JCAD: variants seen among roughly 807,000 people sequenced by gnomAD.
The protein encoded by JCAD is junctional cadherin 5 associated.
In JCAD, 40 loss-of-function variants were observed where a neutral mutation model predicts 98.0. The observed-to-expected ratio is 0.41, with a 90% CI of 0.32 to 0.53. The LOEUF (loss-of-function observed/expected upper bound fraction) is 0.53. Ranked by LOEUF, JCAD falls within the 20% of genes least tolerant of loss-of-function variation. JCAD has a pLI of 0.31. For missense variants in JCAD, 1,705 were observed against 1,738.1 expected, an observed-to-expected ratio of 0.98 and a Z score of 0.34; for synonymous variants, 691 against 682.3, an observed-to-expected ratio of 1.01 and a Z score of -0.20.
intron 1 of JCAD, among the ~76,000 whole-genome samples, chr10:30,100,776 C>T (rs1234911910): frequency 6.6e-6 from 1 of 152,064 alleles, no homozygotes; most frequent in Non-Finnish European, 1.5e-5. Context: ...GACCAATGGC[C>T]CCTGACACAG....
chr10:30,033,888 G>A (rs1441057887), intron 2 of JCAD, among the ~76,000 whole-genome samples: 1 of 152,122 alleles, frequency 6.6e-6, no homozygotes, highest in African/African-American at 2.4e-5. Flanking sequence ...TCTTATTTTG[G>A]AATTACCTCT....
chr10:30,029,610 T>C lies in JCAD; in HGVS notation c.538A>G (p.Lys180Glu). 1 of 1,614,266 alleles carries C rather than the reference T, an allele frequency of 6.2e-7. No homozygotes were observed. Among genetic ancestry groups the C allele is most frequent in the Non-Finnish European group, 8.5e-7 (1 of 1,180,052 alleles). The change falls in exon 3 of 4, where the codon AAG (lysine) becomes GAG (glutamate). Residue 180 changes from lysine to glutamate, a missense_variant. This residue lies in a region of JCAD where 275 missense variants were observed against 346.9 expected (regional missense o/e 0.79). Transcript: ENST00000375377. ...CTTTCCAGGCTGACGTTCTGCCACT[T>C]GGCAGGACCTGACATTCGCAATTCT... Reference protein sequence around the residue: ...EEELRMSGPAKWQNVSLESWN... With the variant: ...EEELRMSGPAEWQNVSLESWN...
At chr10:30,064,283 C>T (rs1356288665), upstream of JCAD, among the ~76,000 whole-genome samples, 1 of 151,988 alleles carries the variant, frequency 6.6e-6, no homozygotes, top group Non-Finnish European at 1.5e-5. Flanking sequence ...CATGCTCAGC[C>T]CCTCACCATG....
intron 1 of JCAD, among the ~76,000 whole-genome samples, chr10:30,073,006 C>T (rs543231168): frequency 1.3e-5 from 2 of 152,352 alleles, no homozygotes; most frequent in South Asian, 2.1e-4. Context: ...CTAACATTCA[C>T]TTTACAGGGA....
At chr10:30,022,247 G>GGT (rs1305940066) in intron 3 of JCAD, among the ~76,000 whole-genome samples, 1 of 152,084 alleles carries the variant, frequency 6.6e-6, no homozygotes, top group African/African-American at 2.4e-5. Context: ...ACGGCACAAG[G>GGT]GTGTGTGTGT....
At chr10:30,079,989 A>G (rs1838053714) in intron 1 of JCAD, among the ~76,000 whole-genome samples, 1 of 152,198 alleles carries the variant, frequency 6.6e-6, no homozygotes, top group South Asian at 2.1e-4. Context: ...AAGAATATCT[A>G]TATAAGTCTC....
rs151073280 is a variant in JCAD at position 30,049,787 on chromosome 10, C to T, written c.-59-1916G>A. Among the ~76,000 whole-genome samples, 478 of 152,288 alleles carry T rather than the reference C, an allele frequency of 3.1e-3. 3 individuals are homozygous for T. Among genetic ancestry groups the T allele is most frequent in the African/African-American group, 0.011 (462 of 41,570 alleles). On this transcript the variant is annotated intron_variant, in intron 1 of 3. Coordinates refer to ENST00000375377, the MANE Select transcript of JCAD (RefSeq NM_020848.4). Reference sequence around the variant, plus strand: ...CATCACAAGCAAAGGGCTTTAGGAACACAGAGTCAGGCTTTAGGGCAGGGT... The same window carrying T: ...CATCACAAGCAAAGGGCTTTAGGAATACAGAGTCAGGCTTTAGGGCAGGGT...
At chr10:30,044,674 T>C (rs1291649462) in intron 2 of JCAD, 3 of 212,632 alleles carry the variant, frequency 1.4e-5, no homozygotes, top group African/African-American at 1.1e-4. Context: ...ATAGCAGTAT[T>C]GGCTTTTTTT....
intron 1 of JCAD, among the ~76,000 whole-genome samples, chr10:30,108,996 T>C (rs1838639515): frequency 6.6e-6 from 1 of 152,204 alleles, no homozygotes; most frequent in Non-Finnish European, 1.5e-5. Flanking sequence ...CCCAACTTGC[T>C]GGTTGAAACA....
intron 1 of JCAD, among the ~76,000 whole-genome samples, chr10:30,050,475 C>A (rs566847442): frequency 6.6e-6 from 1 of 152,218 alleles, no homozygotes; most frequent in South Asian, 2.1e-4. Context: ...TCTCACAACA[C>A]TCAGTTTCTC....
intron 3 of JCAD, among the ~76,000 whole-genome samples, chr10:30,024,504 C>T (rs544797312): frequency 6.6e-6 from 1 of 152,038 alleles, no homozygotes; most frequent in South Asian, 2.1e-4. Flanking sequence ...AATGGCAAAG[C>T]CTTCACATTC....
At position 30,047,649 on chromosome 10, in the gene JCAD, G is replaced by A; in HGVS notation, c.164C>T (p.Ala55Val). Reference sequence around the variant, plus strand: ...TTTCCCCGCGGACGTCTTACGATGTGCGAGGGCCGCAGGGCCATCCTCATG... The same window carrying A: ...TTTCCCCGCGGACGTCTTACGATGTACGAGGGCCGCAGGGCCATCCTCATG... ...NGHEDGPAAL[A>V]HRKTSAGKGH... Residue 55 changes from alanine (A) to valine (V), a missense_variant, in exon 2 of 4, where the codon GCA (alanine) becomes GTA (valine). Transcript: ENST00000375377. 3 of 1,614,190 alleles carry A rather than the reference G, an allele frequency of 1.9e-6. No individual in the cohort carries two copies. The Admixed American group carries it at 5.0e-5, about 27-fold the overall frequency.
At position 30,017,793 on chromosome 10, in the gene JCAD, T is replaced by C; in HGVS notation, c.*90A>G. 8.3e-7 allele frequency: 1 copy of C among 1,206,250 alleles called. No homozygotes were observed. The highest frequency in any genetic ancestry group is 1.5e-5 in the African/African-American group (1 of 67,856). The allele number at this position is 1,206,250 out of a possible 1,614,324, so 74.7% of individuals were successfully genotyped here. A position where few individuals can be genotyped will look rare whatever the true frequency, so the allele number is the denominator to read the frequency against. ...TAAAAACTCAGCAGCTTCCAGCTTC[T>C]ACATGGGGAAGTGGGGCTGATAGAC... On this transcript the variant is annotated 3_prime_UTR_variant, in exon 4 of 4. Transcript: ENST00000375377.
chr10:30,023,011 T>C (rs1836699043), intron 3 of JCAD, among the ~76,000 whole-genome samples: 3 of 152,076 alleles, frequency 2.0e-5, no homozygotes, highest in African/African-American at 7.2e-5. Context: ...TTTTTTAATA[T>C]TTTATGCCAT....
chr10:30,103,593 C>T (rs1373908947), intron 1 of JCAD, among the ~76,000 whole-genome samples: 1 of 145,766 alleles, frequency 6.9e-6, no homozygotes, highest in African/African-American at 2.6e-5. Context: ...TGAGGAAATG[C>T]CTGTATATTT....
In JCAD at chr10:30,016,200, C is replaced by T. The variant is rs916714967; in HGVS notation, c.*1683G>A. 1 of 152,140 alleles carries T rather than the reference C, an allele frequency of 6.6e-6. No individual in the cohort carries two copies. Among genetic ancestry groups the T allele is most frequent in the Non-Finnish European group, 1.5e-5 (1 of 68,044 alleles). The allele number at this position is 152,140 out of a possible 1,614,324, so 9.4% of individuals were successfully genotyped here. ...AACAGGCCGGGACAGCCCGGCCAGCCGTTTTAGGGCCAAAGGACAGATCAC... is the reference window on the plus strand; with the variant it reads ...AACAGGCCGGGACAGCCCGGCCAGCTGTTTTAGGGCCAAAGGACAGATCAC... On this transcript the variant is annotated 3_prime_UTR_variant, in exon 4 of 4. Transcript: ENST00000375377.
Position 30,028,376 on chromosome 10 carries a change from G to A in JCAD, c.1772C>T (p.Ser591Leu), listed in dbSNP as rs180691205. The stretch of plus-strand genomic sequence containing the variant: ...GTCCATATCTCTATCTGGCAGATGT[G>A]ATTCTGATTTCACTGGGATAGAAAC... The part of the protein sequence containing the change: ...CLVSIPVKSE[S>L]HLPDRDMDNN... Residue 591 changes from serine to leucine, a missense_variant, in exon 3 of 4, where the codon TCA (serine) becomes TTA (leucine). Ser to Leu is a moderately radical substitution (Grantham distance 145, BLOSUM62 -2). Coordinates refer to ENST00000375377, the MANE Select transcript of JCAD (RefSeq NM_020848.4). 2 of 1,614,204 alleles carry A rather than the reference G, an allele frequency of 1.2e-6. No individual in the cohort carries two copies. The highest frequency in any genetic ancestry group is 2.2e-5 in the East Asian group (1 of 44,888).
chr10:30,035,868 C>T (rs906028922), intron 2 of JCAD, among the ~76,000 whole-genome samples: 2 of 152,210 alleles, frequency 1.3e-5, no homozygotes, highest in African/African-American at 4.8e-5. Flanking sequence ...CCCGGGTGAA[C>T]GGGACGGAGA....
At chr10:30,081,685 G>C (rs1271110681) in intron 1 of JCAD, among the ~76,000 whole-genome samples, 1 of 152,158 alleles carries the variant, frequency 6.6e-6, no homozygotes, top group East Asian at 1.9e-4. Context: ...ACTCACCTCA[G>C]CTTCCCAAAG....
Sources: gnomAD v4.1 joint callset for allele counts (sites outside exome capture counted in the v4.1 genomes callset) on GRCh38, gnomAD v4.1.1 for gene constraint, gnomAD v4.1.1 regional missense constraint, MANE v1.5 for transcripts, NCBI Gene and HGNC (gene_info 2026-07-23, HGNC 2026-07-21) for gene names.